PDE10A: variants seen among roughly 807,000 people sequenced by gnomAD.
PDE10A encodes cAMP and cAMP-inhibited cGMP 3',5'-cyclic phosphodiesterase 10A.
PDE10A carries 39 observed loss-of-function variants against 97.7 expected under a neutral mutation model. The observed-to-expected ratio is 0.40, with a 90% CI of 0.31 to 0.52. The LOEUF (loss-of-function observed/expected upper bound fraction) is 0.52. PDE10A is among the 20% of genes least tolerant of loss of function. The probability of loss-of-function intolerance (pLI) is 0.56; values close to 1 mark genes in which losing one functional copy is unlikely to be tolerated. For synonymous variants in PDE10A, 371 were observed against 376.8 expected (o/e 0.98, Z 0.18); for missense variants, 731 against 1,047.8 (o/e 0.70, Z 4.17).
intron 8 of PDE10A, among the ~76,000 whole-genome samples, chr6:165,431,191 T>C (rs1231146913): frequency 6.6e-6 from 1 of 151,520 alleles, no homozygotes; most frequent in Admixed American, 6.6e-5. Context: ...TGTATTTATT[T>C]TATATATAGA....
intron 1 of PDE10A, chr6:165,780,932 C>T (rs1778325407): frequency 6.6e-6 from 1 of 152,210 alleles, no homozygotes; most frequent in Non-Finnish European, 1.5e-5. Flanking sequence ...CCCCACCAAG[C>T]CCATGATGAA....
At chr6:165,831,232 C>A (rs1386022367) in intron 1 of PDE10A, among the ~76,000 whole-genome samples, 2 of 151,192 alleles carry the variant, frequency 1.3e-5, no homozygotes, top group African/African-American at 2.4e-5. Flanking sequence ...ACTAGCCTGG[C>A]GTGGTGGTAG....
At chr6:165,718,563 T>C (rs947720032) in intron 1 of PDE10A, among the ~76,000 whole-genome samples, 8 of 151,972 alleles carry the variant, frequency 5.3e-5, no homozygotes, top group African/African-American at 1.9e-4. Context: ...AGCACTCCTC[T>C]CCCCCACTGA....
intron 1 of PDE10A, among the ~76,000 whole-genome samples, chr6:165,647,531 T>G (rs10455958): frequency 6.9e-6 from 1 of 145,190 alleles, no homozygotes; most frequent in African/African-American, 2.5e-5. Flanking sequence ...GACAATCCCC[T>G]TTTTTTTTTT....
intron 21 of PDE10A, among the ~76,000 whole-genome samples, chr6:165,334,837 T>C (rs1418044090): frequency 6.6e-6 from 1 of 152,010 alleles, no homozygotes; most frequent in Non-Finnish European, 1.5e-5. Flanking sequence ...AAATATTATA[T>C]ATATAAAATT....
intron 1 of PDE10A, among the ~76,000 whole-genome samples, chr6:165,560,517 C>T (rs769015927): frequency 2.0e-5 from 3 of 152,130 alleles, no homozygotes; most frequent in Admixed American, 6.5e-5. Flanking sequence ...AGCCAGTAAA[C>T]GGGTGTTGGT....
At position 165,507,389 on chromosome 6, in the gene PDE10A, C is replaced by A. The variant is rs773277630; in HGVS notation, c.995-25046G>T. Among the ~76,000 whole-genome samples, 24 of 152,148 alleles carry A rather than the reference C, an allele frequency of 1.6e-4. 1 individual carries two copies. Among genetic ancestry groups the A allele is most frequent in the South Asian group, 2.1e-4 (1 of 4,826 alleles). ...CTGACTTCCTACTCCTTAGTTCTGT[C>A]GTGAGGATTAAATAAGCTAACACAG... On this transcript the variant is annotated intron_variant, in intron 2 of 21. Coordinates refer to ENST00000539869, the MANE Select transcript of PDE10A (RefSeq NM_001385079.1).
intron 1 of PDE10A, among the ~76,000 whole-genome samples, chr6:165,943,303 G>GA (rs1288134985): frequency 2.6e-5 from 3 of 115,994 alleles, no homozygotes; most frequent in African/African-American, 7.1e-5. Flanking sequence ...AGGAAAGAAA[G>GA]AAAGAAGGAA....
At chr6:165,952,203 C>G (rs1016288282) in intron 1 of PDE10A, among the ~76,000 whole-genome samples, 1 of 152,254 alleles carries the variant, frequency 6.6e-6, no homozygotes, top group Non-Finnish European at 1.5e-5. Context: ...ATGCACCCAC[C>G]AGCAGCCCCC....
intron 2 of PDE10A, among the ~76,000 whole-genome samples, chr6:165,541,496 G>C (rs1313924306): frequency 6.6e-6 from 1 of 152,154 alleles, no homozygotes; most frequent in Non-Finnish European, 1.5e-5. Context: ...GAAAATTCAA[G>C]AGTTAGTTTT....
intron 18 of PDE10A, among the ~76,000 whole-genome samples, chr6:165,374,452 T>A (rs189468781): frequency 1.3e-5 from 2 of 151,726 alleles, no homozygotes; most frequent in Non-Finnish European, 2.9e-5. Flanking sequence ...AAATATAGAA[T>A]AAAAGCTGAT....
intron 17 of PDE10A, among the ~76,000 whole-genome samples, chr6:165,382,312 T>C (rs753532720): frequency 4.6e-5 from 7 of 152,174 alleles, no homozygotes; most frequent in Non-Finnish European, 8.8e-5. Flanking sequence ...TTCTGTCCAC[T>C]GCTGGGGGAT....
intron 1 of PDE10A, among the ~76,000 whole-genome samples, chr6:165,968,555 T>C (rs1460788631): frequency 3.3e-5 from 5 of 152,180 alleles, no homozygotes; most frequent in African/African-American, 4.8e-5. Context: ...ATTTTCACCA[T>C]GTGAGGCGTC....
At chr6:165,555,148 C>T (rs73039576) in intron 1 of PDE10A, among the ~76,000 whole-genome samples, 21,670 of 151,914 alleles carry the variant, frequency 0.14, 1,808 homozygotes, top group African/African-American at 0.22. Flanking sequence ...CCTACCTGTA[C>T]GTTTTAAAAT....
intron 1 of PDE10A, among the ~76,000 whole-genome samples, chr6:165,737,439 A>G (rs1792605617): frequency 6.6e-6 from 1 of 152,212 alleles, no homozygotes; most frequent in African/African-American, 2.4e-5. Context: ...AGGATTATTC[A>G]CCATGATCAA....
chr6:165,629,923 G>T (rs1788555665), intron 1 of PDE10A, among the ~76,000 whole-genome samples: 1 of 152,076 alleles, frequency 6.6e-6, no homozygotes, highest in Non-Finnish European at 1.5e-5. Context: ...GTCAGCTGAG[G>T]AGTAGCAATC....
chr6:165,424,318 C>A (rs1217050080), intron 10 of PDE10A, among the ~76,000 whole-genome samples: 4 of 152,152 alleles, frequency 2.6e-5, no homozygotes, highest in Non-Finnish European at 4.4e-5. Context: ...CAGATTAGAA[C>A]CTCAATGAGG....
intron 1 of PDE10A, among the ~76,000 whole-genome samples, chr6:165,714,075 C>A (rs1791968239): frequency 6.6e-6 from 1 of 152,232 alleles, no homozygotes; most frequent in Non-Finnish European, 1.5e-5. Flanking sequence ...ACCACCACAA[C>A]ATTCTGAGTA....
At chr6:165,651,221 T>G (rs1401822007) in intron 1 of PDE10A, among the ~76,000 whole-genome samples, 1 of 152,232 alleles carries the variant, frequency 6.6e-6, no homozygotes, top group Non-Finnish European at 1.5e-5. Context: ...TATTTTCAAT[T>G]GCATGTCTCT....
Sources: allele counts gnomAD v4.1 joint callset (sites outside exome capture counted in the v4.1 genomes callset), GRCh38; gene constraint gnomAD v4.1.1; transcripts MANE v1.5; gene names NCBI Gene and HGNC (gene_info 2026-07-23, HGNC 2026-07-21).